ZNF652: variants seen among roughly 807,000 people sequenced by gnomAD.
The protein encoded by ZNF652 is zinc finger protein 652.
ZNF652 carries 16 observed loss-of-function variants against 45.2 expected under a neutral mutation model. The ratio of observed to expected loss-of-function variants is 0.35; its 90% CI spans 0.24 to 0.54. The LOEUF is 0.54. Among genes scored for constraint, ZNF652 ranks in the 20% least tolerant of loss-of-function variants. The probability of loss-of-function intolerance (pLI) is 0.91; values close to 1 mark genes in which losing one functional copy is unlikely to be tolerated. For synonymous variants in ZNF652, 250 were observed against 260.6 expected (o/e 0.96, Z 0.39); for missense variants, 614 against 765.6 (o/e 0.80, Z 2.34).
At chr17:49,343,671 T>C (rs1485987063) in intron 1 of ZNF652, among the ~76,000 whole-genome samples, 1 of 152,044 alleles carries the variant, frequency 6.6e-6, no homozygotes, top group Non-Finnish European at 1.5e-5. Flanking sequence ...TTTTTTTTTT[T>C]TAAATAACAC....
intron 1 of ZNF652, among the ~76,000 whole-genome samples, chr17:49,324,828 C>T (rs924913394): frequency 2.0e-5 from 3 of 150,356 alleles, no homozygotes; most frequent in African/African-American, 7.4e-5. Context: ...GCAACCTCCA[C>T]CTCCTGGGTT....
At chr17:49,311,058 C>T (rs1174554584) in intron 5 of ZNF652, among the ~76,000 whole-genome samples, 3 of 152,184 alleles carry the variant, frequency 2.0e-5, no homozygotes, top group Non-Finnish European at 4.4e-5. Context: ...CTGAACCCCA[C>T]GTAAAGACCC....
intron 1 of ZNF652, among the ~76,000 whole-genome samples, chr17:49,331,727 T>C (rs1386795766): frequency 6.6e-6 from 1 of 152,234 alleles, no homozygotes; most frequent in African/African-American, 2.4e-5. Context: ...ATTTATTTTA[T>C]ACATTTGGCC....
intron 1 of ZNF652, among the ~76,000 whole-genome samples, chr17:49,335,402 C>T (rs1016914409): frequency 1.3e-5 from 2 of 152,138 alleles, no homozygotes. Flanking sequence ...TTCCCTTCCA[C>T]GACTGACATT....
chr17:49,341,452 A>G (rs1326153663), intron 1 of ZNF652, among the ~76,000 whole-genome samples: 1 of 143,704 alleles, frequency 7.0e-6, no homozygotes, highest in African/African-American at 2.6e-5. Context: ...TCGGAGTTTT[A>G]GACCAGCCTA....
At chr17:49,342,571 G>T (rs987306320) in intron 1 of ZNF652, among the ~76,000 whole-genome samples, 8 of 68,334 alleles carry the variant, frequency 1.2e-4, no homozygotes, top group Non-Finnish European at 2.0e-4. Flanking sequence ...GGGGGGGGGG[G>T]AATCAATACA....
At position 49,293,477 on chromosome 17, in the gene ZNF652, T is replaced by C. The variant is rs1485103046; in HGVS notation, c.*4936A>G. Among the ~76,000 whole-genome samples the C allele has an allele frequency of 1.3e-5, 2 of 152,256 alleles. No individual in the cohort carries two copies. The highest frequency in any genetic ancestry group is 2.9e-5 in the Non-Finnish European group (2 of 68,012). ...AAGTGGATATATTGATGGCAACTTT[T>C]ATGGCTTCCATAGAAAGTGTAGAGA... On this transcript the variant is annotated 3_prime_UTR_variant, in exon 6 of 6. Coordinates refer to ENST00000430262, the MANE Select transcript of ZNF652 (RefSeq NM_001145365.3).
At position 49,317,637 on chromosome 17, in the gene ZNF652, C is replaced by G; in HGVS notation, c.89G>C (p.Gly30Ala). ...ATGATAAAAGGAAGATGGCACTTGA[C>G]CACGACGGCTATCTTCTTGTGCCAT... ...AGMAQEDSRR[G>A]QVPSSFYHGA... is the part of the protein sequence containing the mutation. Residue 30 changes from glycine (G) to alanine (A), a missense_variant, in exon 2 of 6, where the codon GGT becomes GCT. By Grantham distance (60) the Gly-to-Ala change is moderately conservative. Transcript: ENST00000430262. 6.2e-7 allele frequency: 1 copy of G among 1,613,974 alleles called. No homozygotes were observed. Among genetic ancestry groups the G allele is most frequent in the Non-Finnish European group, 8.5e-7 (1 of 1,179,868 alleles).
chr17:49,292,551 T>C lies in ZNF652; in HGVS notation c.*5862A>G, dbSNP rs2069417513. On this transcript the variant is annotated 3_prime_UTR_variant, in exon 6 of 6. Coordinates refer to ENST00000430262, the MANE Select transcript of ZNF652 (RefSeq NM_001145365.3). The stretch of plus-strand genomic sequence containing the variant: ...AAATAAAGAGTATAGTCTTGCAAAA[T>C]GTGTACGGAAGGGAGTGGGCACATG... Among the ~76,000 whole-genome samples the C allele has an allele frequency of 6.6e-6, 1 of 151,990 alleles. No homozygotes were observed. The highest frequency in any genetic ancestry group is 1.5e-5 in the Non-Finnish European group (1 of 68,010).
intron 1 of ZNF652, among the ~76,000 whole-genome samples, chr17:49,347,751 T>G (rs925196452): frequency 1.2e-4 from 17 of 143,758 alleles, no homozygotes; most frequent in East Asian, 6.0e-4. Context: ...TTTTTTTTTT[T>G]TTTTTTTTTT....
rs11350404 is a variant in ZNF652, at chr17:49,321,422, C to CTTT, written c.-258-3442_-258-3440dup. Among the ~76,000 whole-genome samples the CTTT allele has an allele frequency of 5.9e-4, 43 of 73,248 alleles. 1 individual carries two copies. Among genetic ancestry groups the CTTT allele is most frequent in the Non-Finnish European group, 8.0e-4 (34 of 42,716 alleles). 48.1% of individuals were successfully genotyped at this position (73,248 alleles called of 152,430 possible). A position where few individuals can be genotyped will look rare whatever the true frequency, so the allele number is the denominator to read the frequency against. On this transcript the variant is annotated intron_variant, in intron 1 of 5. Coordinates refer to ENST00000430262, the MANE Select transcript of ZNF652 (RefSeq NM_001145365.3). Reference sequence around the variant, plus strand: ...GGGACTACCGGCGCCCACCACCACGCTTTTTTTTTTTTTTTTTTTTTTTTT... The same window carrying CTTT: ...GGGACTACCGGCGCCCACCACCACGCTTTTTTTTTTTTTTTTTTTTTTTTTTTT...
chr17:49,348,442 A>G (rs746228248), intron 1 of ZNF652, among the ~76,000 whole-genome samples: 1 of 148,724 alleles, frequency 6.7e-6, no homozygotes, highest in Admixed American at 6.8e-5. Context: ...GCCAAGACTG[A>G]GCCTCAGGCT....
intron 4 of ZNF652, 113 bp downstream of exon 4, chr17:49,311,814 T>A: frequency 1.2e-6 from 1 of 854,124 alleles, no homozygotes; most frequent in African/African-American, 1.7e-5. Flanking sequence ...GTCTGAAAGT[T>A]CTGTGGAAGG....
In ZNF652 at chr17:49,342,890, T is replaced by TC. The variant is rs1461553756; in HGVS notation, c.-259+19018_-259+19019insG. Among the ~76,000 whole-genome samples the TC allele has an allele frequency of 2.6e-5, 4 of 152,114 alleles. No homozygotes were observed. The East Asian group carries it at 7.7e-4, about 29-fold the overall frequency. On this transcript the variant is annotated intron_variant, in intron 1 of 5. Transcript: ENST00000430262. Reference sequence around the variant, plus strand: ...AAAGGTTTTTTCCACATAGAATTTTTTTTTTTTTTTTGGCAGACTCTTGCT... The same window carrying TC: ...AAAGGTTTTTTCCACATAGAATTTTTCTTTTTTTTTTTGGCAGACTCTTGCT...
In ZNF652 at chr17:49,332,294, TAACTG is replaced by T. The variant is rs573444839; in HGVS notation, c.-258-14316_-258-14312del. On this transcript the variant is annotated intron_variant, in intron 1 of 5. Transcript: ENST00000430262. ...TAAATATAACATTTTGAAAACATCT[TAACTG>T]AACTAGTCTTAAACCAAGAGGTATG... Among the ~76,000 whole-genome samples, 29 of 152,284 alleles carry T rather than the reference TAACTG, an allele frequency of 1.9e-4. No individual in the cohort carries two copies. The East Asian group carries it at 5.6e-3, about 29-fold the overall frequency.
At position 49,362,161 on chromosome 17, in the gene ZNF652, CGGCGGGGCGGGCAGCGCGGGGCG is replaced by C. The variant is rs1267499622; in HGVS notation, c.-534_-512del. On this transcript the variant is annotated 5_prime_UTR_variant, in exon 1 of 6. Coordinates refer to ENST00000430262, the MANE Select transcript of ZNF652 (RefSeq NM_001145365.3). Reference sequence around the variant, plus strand: ...CCCAGCGCGCGAGGGCGAGCGGGGCCGGCGGGGCGGGCAGCGCGGGGCGGGCGGCAGGGGAGGGGGTGTGCGTG... The same window carrying C: ...CCCAGCGCGCGAGGGCGAGCGGGGCCGGCGGCAGGGGAGGGGGTGTGCGTG... 32 of 150,196 alleles carry C rather than the reference CGGCGGGGCGGGCAGCGCGGGGCG, an allele frequency of 2.1e-4. No homozygotes were observed. The highest frequency in any genetic ancestry group is 7.3e-4 in the African/African-American group (30 of 41,140). 9.3% of individuals were successfully genotyped at this position (150,196 alleles called of 1,614,324 possible).
intron 1 of ZNF652, among the ~76,000 whole-genome samples, chr17:49,329,943 G>A (rs1383230945): frequency 2.6e-5 from 4 of 152,112 alleles, no homozygotes; most frequent in Admixed American, 6.6e-5. Flanking sequence ...TAAGCACCAC[G>A]CCCAGGGCCA....
chr17:49,333,901 A>C (rs1244785917), intron 1 of ZNF652, among the ~76,000 whole-genome samples: 1 of 152,116 alleles, frequency 6.6e-6, no homozygotes, highest in Admixed American at 6.6e-5. Context: ...GAGGATGTGA[A>C]GATATTGGAA....
chr17:49,318,813 A>C (rs1280366448), intron 1 of ZNF652, among the ~76,000 whole-genome samples: 5 of 152,214 alleles, frequency 3.3e-5, no homozygotes, highest in Non-Finnish European at 5.9e-5. Flanking sequence ...TGGTCCCCGG[A>C]AATAAAACAG....
Sources: gnomAD v4.1 joint callset for allele counts (sites outside exome capture counted in the v4.1 genomes callset) on GRCh38, gnomAD v4.1.1 for gene constraint, MANE v1.5 for transcripts, NCBI Gene and HGNC (gene_info 2026-07-23, HGNC 2026-07-21) for gene names.